Variants in IGFBP7 observed in about 807,000 individuals in gnomAD.
IGFBP7 encodes the protein insulin-like growth factor-binding protein 7.
A neutral mutation model predicts 29.4 loss-of-function variants in IGFBP7; 31 were observed. That is an observed-to-expected ratio of 1.05 (90% CI 0.79 to 1.42). IGFBP7 has a LOEUF of 1.42. Among genes scored for constraint, IGFBP7 ranks in the 40% most tolerant of loss-of-function variants. The pLI is 0.00. For synonymous variants in IGFBP7, 172 were observed against 174.9 expected (o/e 0.98, Z 0.13); for missense variants, 393 against 395.5 (o/e 0.99, Z 0.05).
intron 1 of IGFBP7, among the ~76,000 whole-genome samples, chr4:57,054,544 CAGA>C (rs1213256653): frequency 1.3e-5 from 2 of 148,384 alleles, no homozygotes; most frequent in Non-Finnish European, 3.0e-5. Context: ...AAGGCTGAGG[CAGA>C]AGAATTGTTT....
chr4:57,088,897 T>G (rs948218351), intron 1 of IGFBP7, among the ~76,000 whole-genome samples: 1 of 151,864 alleles, frequency 6.6e-6, no homozygotes, highest in African/African-American at 2.4e-5. Context: ...CTGGGTGTGG[T>G]GTTGGGCACC....
intron 1 of IGFBP7, among the ~76,000 whole-genome samples, chr4:57,046,440 C>A (rs1386159398): frequency 3.3e-5 from 5 of 152,130 alleles, no homozygotes; most frequent in African/African-American, 1.2e-4. Flanking sequence ...GAATTTATTT[C>A]TGTTTTTAAG....
intron 1 of IGFBP7, among the ~76,000 whole-genome samples, chr4:57,045,183 A>G (rs538051429): frequency 3.7e-4 from 57 of 152,300 alleles, no homozygotes; most frequent in African/African-American, 1.3e-3. Flanking sequence ...AATGTAAATG[A>G]TTTTGTCAAT....
chr4:57,097,984 C>T (rs1476326645), intron 1 of IGFBP7, among the ~76,000 whole-genome samples: 1 of 152,032 alleles, frequency 6.6e-6, no homozygotes, highest in East Asian at 1.9e-4. Context: ...TTGGGCTTGT[C>T]CTAAAAAGGG....
intron 1 of IGFBP7, among the ~76,000 whole-genome samples, chr4:57,065,833 TC>T (rs1724907393): frequency 6.6e-6 from 1 of 152,172 alleles, no homozygotes; most frequent in South Asian, 2.1e-4. Flanking sequence ...GGCCTCAACC[TC>T]AGGAAATCTC....
intron 1 of IGFBP7, among the ~76,000 whole-genome samples, chr4:57,077,143 G>T (rs765138207): frequency 5.9e-5 from 9 of 152,038 alleles, no homozygotes; most frequent in African/African-American, 2.2e-4. Flanking sequence ...AACAAAATAT[G>T]GTGCTCTGCG....
At chr4:57,049,391 A>C (rs889215966) in intron 1 of IGFBP7, among the ~76,000 whole-genome samples, 1 of 149,444 alleles carries the variant, frequency 6.7e-6, no homozygotes, top group Non-Finnish European at 1.5e-5. Context: ...CATTTTTACC[A>C]ATTCACTCTT....
rs59173874 is a variant in IGFBP7 at position 57,103,660 on chromosome 4, C to CTTTTTTTTTTTTT, written c.475+6204_475+6216dup. Reference sequence around the variant, plus strand: ...AACTTTTCTTTTTTTTTTTTCTTTTCTTTTTTTTTTTTTTTTGAGGCAGGG... The same window carrying CTTTTTTTTTTTTT: ...AACTTTTCTTTTTTTTTTTTCTTTTCTTTTTTTTTTTTTTTTTTTTTTTTTTTTTGAGGCAGGG... On this transcript the variant is annotated intron_variant, in intron 1 of 4. Transcript: ENST00000295666. 9.3e-5 allele frequency among the ~76,000 whole-genome samples: 8 copies of CTTTTTTTTTTTTT among 86,478 alleles called. 1 individual carries two copies. The highest frequency in any genetic ancestry group is 1.2e-4 in the Non-Finnish European group (6 of 48,506). The allele number at this position is 86,478 out of a possible 152,430, so 56.7% of individuals were successfully genotyped here. A position where few individuals can be genotyped will look rare whatever the true frequency, so the allele number is the denominator to read the frequency against.
intron 1 of IGFBP7, among the ~76,000 whole-genome samples, chr4:57,072,512 T>C (rs1002927733): frequency 6.6e-6 from 1 of 152,090 alleles, no homozygotes; most frequent in Admixed American, 6.6e-5. Context: ...CAGCCTGGGT[T>C]ACAGAGGGAG....
chr4:57,050,115 A>C (rs1724466155), intron 1 of IGFBP7, among the ~76,000 whole-genome samples: 1 of 150,352 alleles, frequency 6.7e-6, no homozygotes, highest in South Asian at 2.1e-4. Context: ...CATCACTTGA[A>C]GCAAATCCCA....
intron 1 of IGFBP7, among the ~76,000 whole-genome samples, chr4:57,083,807 T>C (rs1725431019): frequency 6.6e-6 from 1 of 152,256 alleles, no homozygotes; most frequent in Non-Finnish European, 1.5e-5. Flanking sequence ...GGTTTCTGGG[T>C]TACCAGAATA....
At chr4:57,036,952 G>A (rs1281347830) in intron 2 of IGFBP7, among the ~76,000 whole-genome samples, 1 of 152,186 alleles carries the variant, frequency 6.6e-6, no homozygotes, top group African/African-American at 2.4e-5. Flanking sequence ...GGACAGCGAT[G>A]AGAAAACAAA....
intron 4 of IGFBP7, 193 bp downstream of exon 4, chr4:57,032,233 A>G: frequency 1.4e-6 from 2 of 1,391,854 alleles, no homozygotes; most frequent in Non-Finnish European, 1.9e-6. Flanking sequence ...CATAATAACG[A>G]TGTTCAGTCA....
chr4:57,084,243 T>C (rs1295438169), intron 1 of IGFBP7, among the ~76,000 whole-genome samples: 1 of 152,232 alleles, frequency 6.6e-6, no homozygotes, highest in Non-Finnish European at 1.5e-5. Context: ...TTTAAGTATG[T>C]GGCTTATCAT....
intron 1 of IGFBP7, among the ~76,000 whole-genome samples, chr4:57,095,293 T>C (rs534128694): frequency 6.6e-4 from 101 of 152,292 alleles, no homozygotes; most frequent in Non-Finnish European, 1.3e-3. Context: ...AAAAATGTGA[T>C]TGGAGGCTTG....
Position 57,077,151 on chromosome 4 carries a change from G to A in IGFBP7, c.475+32726C>T, listed in dbSNP as rs1386273516. Among the ~76,000 whole-genome samples, 3 of 152,096 alleles carry A rather than the reference G, an allele frequency of 2.0e-5. No individual in the cohort carries two copies. In the East Asian group the frequency reaches 5.8e-4, roughly 29 times the overall value. ...AACAAAAAACAAAATATGGTGCTCT[G>A]CGTTTATATGAAAGAGACAAAGCAG... On this transcript the variant is annotated intron_variant, in intron 1 of 4. Coordinates refer to ENST00000295666, the MANE Select transcript of IGFBP7 (RefSeq NM_001553.3).
chr4:57,083,242 G>T (rs928883136), intron 1 of IGFBP7, among the ~76,000 whole-genome samples: 1 of 152,170 alleles, frequency 6.6e-6, no homozygotes, highest in Non-Finnish European at 1.5e-5. Flanking sequence ...CTTTTGAAAA[G>T]CTTGTTAGGA....
At chr4:57,102,277 C>T (rs576865908) in intron 1 of IGFBP7, among the ~76,000 whole-genome samples, 3 of 152,238 alleles carry the variant, frequency 2.0e-5, no homozygotes, top group African/African-American at 7.2e-5. Context: ...CAGTGGACCC[C>T]GAGGGCAGGC....
Position 57,039,065 on chromosome 4 carries a change from C to CAAAAAA in IGFBP7, c.585+1753_585+1758dup, listed in dbSNP as rs71208974. On this transcript the variant is annotated intron_variant, in intron 2 of 4. Transcript: ENST00000295666. ...GGGCAATAAGAGTGAAACTATGTCT[C>CAAAAAA]AAAAAAAAAAAAAAAAAAAAAAAGA... 7.6e-4 allele frequency among the ~76,000 whole-genome samples: 81 copies of CAAAAAA among 106,422 alleles called. 1 individual carries two copies. Among genetic ancestry groups the CAAAAAA allele is most frequent in the East Asian group, 3.0e-3 (8 of 2,680 alleles). 69.8% of individuals were successfully genotyped at this position (106,422 alleles called of 152,430 possible). A position where few individuals can be genotyped will look rare whatever the true frequency, so the allele number is the denominator to read the frequency against.
Sources: allele counts gnomAD v4.1 joint callset (sites outside exome capture counted in the v4.1 genomes callset), GRCh38; gene constraint gnomAD v4.1.1; transcripts MANE v1.5; gene names NCBI Gene and HGNC (gene_info 2026-07-23, HGNC 2026-07-21).